Variants in KCNH8 observed in about 807,000 individuals in gnomAD.
The protein encoded by KCNH8 is potassium voltage-gated channel subfamily H member 8.
KCNH8 carries 70 observed loss-of-function variants against 103.6 expected under a neutral mutation model. That is an observed-to-expected ratio of 0.68 (90% CI 0.56 to 0.82). The LOEUF is 0.82. KCNH8 is among the 40% of genes least tolerant of loss of function. The pLI is 0.00. For synonymous variants in KCNH8, 498 were observed against 489.4 expected, an observed-to-expected ratio of 1.02 and a Z score of -0.23; for missense variants, 1,217 against 1,329.9, an observed-to-expected ratio of 0.92 and a Z score of 1.32.
chr3:19,455,123 A>T (rs1473862165), intron 10 of KCNH8, among the ~76,000 whole-genome samples: 1 of 152,120 alleles, frequency 6.6e-6, no homozygotes, highest in Non-Finnish European at 1.5e-5. Flanking sequence ...TTGTTCTAGC[A>T]ACTTTCTTGT....
intron 3 of KCNH8, among the ~76,000 whole-genome samples, chr3:19,320,009 G>A (rs569616510): frequency 4.2e-4 from 64 of 152,000 alleles, no homozygotes; most frequent in African/African-American, 1.5e-3. Flanking sequence ...CATTAATTTT[G>A]TATCCTGAAA....
At chr3:19,520,987 AGCT>A (rs1344270773) in intron 15 of KCNH8, among the ~76,000 whole-genome samples, 1 of 152,048 alleles carries the variant, frequency 6.6e-6, no homozygotes, top group African/African-American at 2.4e-5. Context: ...GATGTGGGGC[AGCT>A]GCTAATATTA....
At chr3:19,396,568 C>A (rs547017617) in intron 7 of KCNH8, among the ~76,000 whole-genome samples, 3 of 151,732 alleles carry the variant, frequency 2.0e-5, no homozygotes, top group Non-Finnish European at 2.9e-5. Flanking sequence ...TGCTGTGGGT[C>A]CTCAATTCTA....
chr3:19,510,365 G>GATATCAAGACTAT lies in KCNH8; in HGVS notation c.2044_2056dup (p.Ser686TyrfsTer32). The GATATCAAGACTAT allele has an allele frequency of 6.4e-7, 1 of 1,573,178 alleles. No individual in the cohort carries two copies. Among genetic ancestry groups the GATATCAAGACTAT allele is most frequent in the Non-Finnish European group, 8.7e-7 (1 of 1,142,990 alleles). On this transcript the variant is annotated frameshift_variant, in exon 12 of 16. Coordinates refer to ENST00000328405, the MANE Select transcript of KCNH8 (RefSeq NM_144633.3). LOFTEE classifies it high-confidence loss of function. Reference sequence around the variant, plus strand: ...AATACTTCTGTTTGTTCTTTCAGGTGATATCAAGACTATCAAACAAATCTA... The same window carrying GATATCAAGACTAT: ...AATACTTCTGTTTGTTCTTTCAGGTGATATCAAGACTATATATCAAGACTATCAAACAAATCTA...
intron 3 of KCNH8, among the ~76,000 whole-genome samples, chr3:19,338,006 G>A (rs952017511): frequency 1.3e-5 from 2 of 151,760 alleles, no homozygotes; most frequent in African/African-American, 2.4e-5. Context: ...AGGCGGGGGG[G>A]GGAGAAAGAG....
At chr3:19,394,148 T>C (rs2066479318) in intron 6 of KCNH8, among the ~76,000 whole-genome samples, 1 of 152,054 alleles carries the variant, frequency 6.6e-6, no homozygotes, top group African/African-American at 2.4e-5. Context: ...CTTCTCTACT[T>C]GTGCTTTCCC....
At chr3:19,532,455 G>A (rs2069178504) in intron 15 of KCNH8, among the ~76,000 whole-genome samples, 2 of 152,138 alleles carry the variant, frequency 1.3e-5, no homozygotes, top group African/African-American at 2.4e-5. Flanking sequence ...AATCTGGTAT[G>A]AGTTATTTTG....
At chr3:19,243,059 A>G (rs2064162138) in intron 1 of KCNH8, among the ~76,000 whole-genome samples, 1 of 152,164 alleles carries the variant, frequency 6.6e-6, no homozygotes, top group Non-Finnish European at 1.5e-5. Flanking sequence ...AATGACACTT[A>G]CCGTAAGATG....
intron 7 of KCNH8, among the ~76,000 whole-genome samples, chr3:19,420,643 CAA>C (rs1041065640): frequency 2.6e-5 from 4 of 152,070 alleles, no homozygotes; most frequent in African/African-American, 7.2e-5. Context: ...AAAATGATTT[CAA>C]AGAGTTGATT....
chr3:19,175,037 C>T (rs1222086489), intron 1 of KCNH8, among the ~76,000 whole-genome samples: 1 of 151,994 alleles, frequency 6.6e-6, no homozygotes, highest in Non-Finnish European at 1.5e-5. Flanking sequence ...GCCTCTTAAC[C>T]TTGGATGAAG....
At chr3:19,292,737 G>C (rs1253843133) in intron 3 of KCNH8, among the ~76,000 whole-genome samples, 1 of 152,112 alleles carries the variant, frequency 6.6e-6, no homozygotes, top group Non-Finnish European at 1.5e-5. Flanking sequence ...GTCACCTGAT[G>C]GTTGCAAGAT....
At chr3:19,243,043 A>G (rs1024365881) in intron 1 of KCNH8, among the ~76,000 whole-genome samples, 2 of 152,170 alleles carry the variant, frequency 1.3e-5, no homozygotes, top group Non-Finnish European at 2.9e-5. Context: ...AAGTTTCTTC[A>G]TCTATAATGA....
At chr3:19,431,865 A>G (rs2067127582) in intron 7 of KCNH8, among the ~76,000 whole-genome samples, 1 of 151,668 alleles carries the variant, frequency 6.6e-6, no homozygotes, top group African/African-American at 2.4e-5. Context: ...ATAATTTCTG[A>G]TTATGTTTAT....
chr3:19,293,868 A>G (rs2064962211), intron 3 of KCNH8, among the ~76,000 whole-genome samples: 1 of 152,232 alleles, frequency 6.6e-6, no homozygotes, highest in Non-Finnish European at 1.5e-5. Context: ...GATGATGAGT[A>G]TATGAATGCA....
intron 1 of KCNH8, among the ~76,000 whole-genome samples, chr3:19,200,621 C>T (rs2063648296): frequency 6.6e-6 from 1 of 151,242 alleles, no homozygotes; most frequent in African/African-American, 2.4e-5. Flanking sequence ...TTTAAATTAA[C>T]ATTAGCTCAG....
intron 6 of KCNH8, among the ~76,000 whole-genome samples, chr3:19,392,776 T>C (rs1476706345): frequency 2.0e-5 from 3 of 151,996 alleles, no homozygotes; most frequent in Non-Finnish European, 4.4e-5. Context: ...AAGGCACTTA[T>C]AAGAGATACA....
intron 11 of KCNH8, among the ~76,000 whole-genome samples, chr3:19,485,594 T>G (rs1299116667): frequency 6.6e-6 from 1 of 152,220 alleles, no homozygotes; most frequent in African/African-American, 2.4e-5. Flanking sequence ...TCTGGCAGTC[T>G]GATCTATCCT....
intron 1 of KCNH8, among the ~76,000 whole-genome samples, chr3:19,249,542 C>G (rs1280443110): frequency 1.3e-5 from 2 of 152,174 alleles, no homozygotes; most frequent in Admixed American, 1.3e-4. Flanking sequence ...ACACACAGAT[C>G]AGTCAACTCA....
chr3:19,325,052 C>G (rs147084455), intron 3 of KCNH8, among the ~76,000 whole-genome samples: 9 of 152,058 alleles, frequency 5.9e-5, no homozygotes, highest in African/African-American at 2.2e-4. Flanking sequence ...CTTAAGATCA[C>G]TAAGCTATGT....
Sources: gnomAD v4.1 joint callset for allele counts (sites outside exome capture counted in the v4.1 genomes callset) on GRCh38, gnomAD v4.1.1 for gene constraint, MANE v1.5 for transcripts, NCBI Gene and HGNC (gene_info 2026-07-23, HGNC 2026-07-21) for gene names.